Variants in GPR158 observed in about 807,000 individuals in gnomAD.
GPR158 encodes the protein metabotropic glycine receptor.
GPR158 carries 30 observed loss-of-function variants against 78.2 expected under a neutral mutation model. The ratio of observed to expected loss-of-function variants is 0.38; its 90% CI spans 0.29 to 0.52. The LOEUF is 0.52. Among genes scored for constraint, GPR158 ranks in the 20% least tolerant of loss-of-function variants. The pLI is 0.83. For synonymous variants in GPR158, 581 were observed against 591.1 expected (o/e 0.98, Z 0.25); for missense variants, 1,463 against 1,523.5 (o/e 0.96, Z 0.66).
intron 2 of GPR158, among the ~76,000 whole-genome samples, chr10:25,332,718 C>A (rs1014262375): frequency 2.6e-5 from 4 of 152,140 alleles, no homozygotes; most frequent in African/African-American, 9.7e-5. Flanking sequence ...AAATAATAAG[C>A]TGATTTAACT....
chr10:25,413,899 T>C (rs75214374), intron 4 of GPR158, among the ~76,000 whole-genome samples: 1 of 152,270 alleles, frequency 6.6e-6, no homozygotes. Context: ...TATCTTTCTT[T>C]TGCAACAAAC....
At chr10:25,464,190 C>G (rs1835393568) in intron 4 of GPR158, among the ~76,000 whole-genome samples, 2 of 152,170 alleles carry the variant, frequency 1.3e-5, no homozygotes, top group East Asian at 3.8e-4. Context: ...GACAGATTAT[C>G]TGCTCTGAGA....
chr10:25,278,106 T>A (rs1194479076), intron 2 of GPR158, among the ~76,000 whole-genome samples: 2 of 152,014 alleles, frequency 1.3e-5, no homozygotes, highest in Non-Finnish European at 2.9e-5. Flanking sequence ...TGTTGGTAAA[T>A]CATGAGCAAG....
chr10:25,473,913 GA>G (rs1835545648), intron 5 of GPR158, among the ~76,000 whole-genome samples: 1 of 151,900 alleles, frequency 6.6e-6, no homozygotes, highest in Admixed American at 6.6e-5. Flanking sequence ...CTAATCTCTG[GA>G]ACCTGTTTGA....
At chr10:25,546,379 C>A (rs1836662209) in intron 5 of GPR158, among the ~76,000 whole-genome samples, 1 of 152,124 alleles carries the variant, frequency 6.6e-6, no homozygotes, top group South Asian at 2.1e-4. Flanking sequence ...CTTCTGCAGA[C>A]TTATGCATCC....
chr10:25,418,163 A>G (rs946118840), intron 4 of GPR158, among the ~76,000 whole-genome samples: 1 of 152,212 alleles, frequency 6.6e-6, no homozygotes, highest in African/African-American at 2.4e-5. Flanking sequence ...TTGAAGAGAC[A>G]TAACATAGTA....
In GPR158 at chr10:25,252,031, C is replaced by G. The variant is rs1477076518; in HGVS notation, c.1008+30874C>G. Among the ~76,000 whole-genome samples, 4 of 151,232 alleles carry G rather than the reference C, an allele frequency of 2.6e-5. No homozygotes were observed. In the East Asian group the frequency reaches 5.8e-4, roughly 22 times the overall value. Reference sequence around the variant, plus strand: ...CTCATTTCTTTTTATTCTTTTTTCTCTAAACTTCCCTTCTCGCTTCATTTC... The same window carrying G: ...CTCATTTCTTTTTATTCTTTTTTCTGTAAACTTCCCTTCTCGCTTCATTTC... On this transcript the variant is annotated intron_variant, in intron 2 of 10. Transcript: ENST00000376351.
intron 2 of GPR158, among the ~76,000 whole-genome samples, chr10:25,325,312 C>T (rs1855014317): frequency 6.6e-6 from 1 of 152,108 alleles, no homozygotes; most frequent in African/African-American, 2.4e-5. Context: ...TCTTTCTGGG[C>T]CTGGCTTATT....
chr10:25,422,318 G>A (rs1028114072), intron 4 of GPR158, among the ~76,000 whole-genome samples: 3 of 152,082 alleles, frequency 2.0e-5, no homozygotes, highest in Admixed American at 1.3e-4. Context: ...TACCACCTAC[G>A]CTCCACCTGC....
chr10:25,374,841 TA>T (rs1834053841), intron 2 of GPR158, among the ~76,000 whole-genome samples: 1 of 151,740 alleles, frequency 6.6e-6, no homozygotes, highest in Non-Finnish European at 1.5e-5. Context: ...CTCTTAAAAA[TA>T]AAGCCAAACA....
intron 2 of GPR158, among the ~76,000 whole-genome samples, chr10:25,289,557 C>T (rs1360729173): frequency 3.3e-5 from 5 of 151,988 alleles, no homozygotes; most frequent in African/African-American, 1.2e-4. Context: ...CTCAGCCTCC[C>T]GAGTAGCTGG....
At chr10:25,346,856 C>T (rs900551753) in intron 2 of GPR158, among the ~76,000 whole-genome samples, 7 of 151,850 alleles carry the variant, frequency 4.6e-5, no homozygotes, top group Admixed American at 4.6e-4. Context: ...ACATGAAAAG[C>T]CCTGAAGCAT....
chr10:25,327,168 C>G (rs1855047732), intron 2 of GPR158, among the ~76,000 whole-genome samples: 1 of 152,132 alleles, frequency 6.6e-6, no homozygotes. Context: ...AAAGCACACA[C>G]ACACGCGCAA....
intron 2 of GPR158, among the ~76,000 whole-genome samples, chr10:25,282,413 C>T (rs921570545): frequency 6.6e-6 from 1 of 152,150 alleles, no homozygotes; most frequent in Non-Finnish European, 1.5e-5. Context: ...AGTTTCTTAA[C>T]AATTATGCTT....
chr10:25,325,703 G>A (rs1376696891), intron 2 of GPR158, among the ~76,000 whole-genome samples: 1 of 151,994 alleles, frequency 6.6e-6, no homozygotes, highest in Non-Finnish European at 1.5e-5. Flanking sequence ...TTTTTATAGT[G>A]GCTATACTAA....
At chr10:25,412,029 C>G (rs116562183) in intron 3 of GPR158, among the ~76,000 whole-genome samples, 1 of 147,264 alleles carries the variant, frequency 6.8e-6, no homozygotes, top group Admixed American at 6.8e-5. Context: ...GCTAATTTTC[C>G]TCAACCACTT....
chr10:25,580,913 A>ATTT (rs571040918), intron 7 of GPR158, among the ~76,000 whole-genome samples: 2 of 113,802 alleles, frequency 1.8e-5, no homozygotes, highest in Admixed American at 8.1e-5. Flanking sequence ...TTTTTATTTT[A>ATTT]TTTTATTTTA....
chr10:25,219,745 C>G lies in GPR158; in HGVS notation c.903-1307C>G, dbSNP rs1368957356. Among the ~76,000 whole-genome samples the G allele has an allele frequency of 2.0e-5, 3 of 152,102 alleles. No individual in the cohort carries two copies. The East Asian group carries it at 5.8e-4, about 29-fold the overall frequency. On this transcript the variant is annotated intron_variant, in intron 1 of 10. Transcript: ENST00000376351. The stretch of plus-strand genomic sequence containing the variant: ...CAAAGGAAGCCCAAGTGGCATTAAG[C>G]CATGCTGTTAGAATGCTTCACAGTA...
intron 2 of GPR158, among the ~76,000 whole-genome samples, chr10:25,257,546 G>C (rs574756928): frequency 4.6e-5 from 7 of 152,296 alleles, no homozygotes; most frequent in African/African-American, 1.4e-4. Context: ...AGACTGAGAA[G>C]CAATCTGCTC....
Sources: gnomAD v4.1 joint callset for allele counts (sites outside exome capture counted in the v4.1 genomes callset) on GRCh38, gnomAD v4.1.1 for gene constraint, MANE v1.5 for transcripts, NCBI Gene and HGNC (gene_info 2026-07-23, HGNC 2026-07-21) for gene names.